TJP1: variants seen among roughly 807,000 people sequenced by gnomAD.
The protein encoded by TJP1 is tight junction protein ZO-1.
In TJP1, 43 loss-of-function variants were observed where a neutral mutation model predicts 194.2. The observed-to-expected ratio is 0.22, with a 90% CI of 0.17 to 0.29. The LOEUF is 0.29. TJP1 is among the 10% of genes least tolerant of loss of function. The probability of loss-of-function intolerance (pLI) is 1.00; values close to 1 mark genes in which losing one functional copy is unlikely to be tolerated. For synonymous variants in TJP1, 801 were observed against 779.0 expected (o/e 1.03, Z -0.47); for missense variants, 1,971 against 2,185.7 (o/e 0.90, Z 1.96).
intron 2 of TJP1, among the ~76,000 whole-genome samples, chr15:29,949,540 C>T (rs1269994538): frequency 1.0e-4 from 15 of 145,166 alleles, no homozygotes; most frequent in Non-Finnish European, 1.5e-4. Flanking sequence ...CCTCCACCAC[C>T]ACCACCTCCA....
intron 2 of TJP1, among the ~76,000 whole-genome samples, chr15:29,909,338 C>CCAA (rs1436497677): frequency 2.1e-5 from 2 of 93,670 alleles, no homozygotes; most frequent in Middle Eastern, 5.6e-3. Context: ...ACTTCATCTC[C>CCAA]AAAAAAAAAA....
intron 2 of TJP1, among the ~76,000 whole-genome samples, chr15:29,939,278 A>T (rs1178335033): frequency 6.6e-6 from 1 of 152,120 alleles, no homozygotes; most frequent in African/African-American, 2.4e-5. Context: ...TTTAGTCATT[A>T]TTCCTAAATA....
chr15:29,811,439 G>T (rs1228770655), intron 1 of TJP1, among the ~76,000 whole-genome samples: 4 of 146,854 alleles, frequency 2.7e-5, no homozygotes, highest in African/African-American at 7.6e-5. Context: ...GGGGGTGGGG[G>T]GGTGGTGGGA....
chr15:29,842,493 C>G (rs535711292), intron 2 of TJP1, among the ~76,000 whole-genome samples: 1 of 152,060 alleles, frequency 6.6e-6, no homozygotes, highest in African/African-American at 2.4e-5. Flanking sequence ...ACACTGGGAC[C>G]AAGCAGACAC....
intron 8 of TJP1, among the ~76,000 whole-genome samples, chr15:29,746,985 G>A (rs551254675): frequency 1.3e-5 from 2 of 151,576 alleles, no homozygotes; most frequent in South Asian, 2.1e-4. Context: ...AAGATTGGCC[G>A]GTTAAATATG....
At position 29,718,406 on chromosome 15, in the gene TJP1, G is replaced by A. The variant is rs372074311; in HGVS notation, c.3736C>T (p.Pro1246Ser). 27 of 1,614,018 alleles carry A rather than the reference G, an allele frequency of 1.7e-5. No homozygotes were observed. The highest frequency in any genetic ancestry group is 2.3e-5 in the Non-Finnish European group (27 of 1,180,028). The change falls in exon 21 of 28, where the codon CCA becomes TCA. Residue 1246 changes from proline (P) to serine (S), a missense_variant. Physicochemically the swap from Pro to Ser is moderately conservative, Grantham distance 74 (BLOSUM62 -1). Transcript: ENST00000614355. ...ALPSNTKPLP[P>S]PPTQTEEEED... ...TCTTCTTCGGTTTGAGTTGGGGGTGGAGGCAGTGGTTTGGTGTTTGAAGGC... is the reference window on the plus strand; with the variant it reads ...TCTTCTTCGGTTTGAGTTGGGGGTGAAGGCAGTGGTTTGGTGTTTGAAGGC...
chr15:29,935,902 G>A (rs920132604), intron 2 of TJP1, among the ~76,000 whole-genome samples: 2 of 152,112 alleles, frequency 1.3e-5, no homozygotes, highest in African/African-American at 4.8e-5. Context: ...TTGCTGGAGA[G>A]AGTGACACCA....
chr15:29,811,884 A>ATGAATGAATGAG (rs1489980270), intron 1 of TJP1, among the ~76,000 whole-genome samples: 12 of 152,148 alleles, frequency 7.9e-5, no homozygotes, highest in African/African-American at 2.9e-4. Context: ...GAATGAATGA[A>ATGAATGAATGAG]TGAATGTCTT....
chr15:29,724,834 A>G (rs1462328463), intron 18 of TJP1, among the ~76,000 whole-genome samples: 1 of 152,204 alleles, frequency 6.6e-6, no homozygotes, highest in African/African-American at 2.4e-5. Flanking sequence ...TTCCTCACAT[A>G]AAAAGCTAGA....
intron 15 of TJP1, chr15:29,730,601 A>G (rs1256025251): frequency 1.5e-5 from 8 of 531,194 alleles, no homozygotes; most frequent in Non-Finnish European, 2.8e-5. Context: ...TCTCTGAAAA[A>G]AAAAAAAGAG....
intron 1 of TJP1, among the ~76,000 whole-genome samples, chr15:29,962,507 T>A (rs1223800167): frequency 6.6e-6 from 1 of 152,198 alleles, no homozygotes; most frequent in Non-Finnish European, 1.5e-5. Context: ...TACAAGATAT[T>A]TGTTTTAAGA....
rs1424465759 is a variant in TJP1, at chr15:29,949,847, A to ACCACCT, written c.306+6379_306+6384dup. Reference sequence around the variant, plus strand: ...CTCCACCACCACCACCTCCACAACCACCACCTCCACAACCACCACCTCCAC... The same window carrying ACCACCT: ...CTCCACCACCACCACCTCCACAACCACCACCTCCACCTCCACAACCACCACCTCCAC... On this transcript the variant is annotated intron_variant, in intron 2 of 28. Coordinates refer to the TJP1 transcript ENST00000356107. Among the ~76,000 whole-genome samples, 18 of 43,314 alleles carry ACCACCT rather than the reference A, an allele frequency of 4.2e-4. 1 individual carries two copies. The highest frequency in any genetic ancestry group is 6.1e-4 in the African/African-American group (5 of 8,210). 28.4% of individuals were successfully genotyped at this position (43,314 alleles called of 152,430 possible).
chr15:29,888,280 CAT>C (rs1378038571), intron 2 of TJP1, among the ~76,000 whole-genome samples: 1 of 151,790 alleles, frequency 6.6e-6, no homozygotes, highest in African/African-American at 2.4e-5. Context: ...TATATATGTG[CAT>C]ATGTCATATG....
chr15:29,878,590 C>A (rs751505660), intron 2 of TJP1, among the ~76,000 whole-genome samples: 3 of 151,026 alleles, frequency 2.0e-5, no homozygotes, highest in Non-Finnish European at 4.4e-5. Context: ...TAGAAATCTG[C>A]AAAATTAAAA....
intron 8 of TJP1, among the ~76,000 whole-genome samples, chr15:29,757,538 T>C (rs1395161913): frequency 1.3e-5 from 2 of 152,208 alleles, no homozygotes; most frequent in Non-Finnish European, 2.9e-5. Context: ...GGGAATGCTC[T>C]AAATTAAAAC....
intron 2 of TJP1, among the ~76,000 whole-genome samples, chr15:29,916,806 T>G (rs1273636154): frequency 6.6e-6 from 1 of 152,236 alleles, no homozygotes; most frequent in Non-Finnish European, 1.5e-5. Flanking sequence ...AAGTTAATTT[T>G]AGTATGTCAT....
Position 29,761,237 on chromosome 15 carries a change from G to T in TJP1, c.912C>A (p.His304Gln), listed in dbSNP as rs766419502. ...SLASDHSGRSHDRPPRRSRSR... is the reference protein window; with the variant it reads ...SLASDHSGRSQDRPPRRSRSR... ...ACCGGCTGCGGCGGGGAGGCCTATC[G>T]TGTGATCGACCAGAATGATCTGATG... The change falls in exon 8 of 28, where the codon CAC (histidine) becomes CAA (glutamine). Residue 304 changes from histidine to glutamine, a missense_variant. Physicochemically the swap from His to Gln is conservative, Grantham distance 24. Coordinates refer to ENST00000614355, the MANE Select transcript of TJP1 (RefSeq NM_001330239.4). 6.2e-7 allele frequency: 1 copy of T among 1,614,066 alleles called. No homozygotes were observed.
At position 29,816,491 on chromosome 15, in the gene TJP1, C is replaced by T. The variant is rs376558633; in HGVS notation, c.27+5511G>A. 1.8e-4 allele frequency among the ~76,000 whole-genome samples: 27 copies of T among 152,288 alleles called. No individual in the cohort carries two copies. The East Asian group carries it at 4.6e-3, about 26-fold the overall frequency. On this transcript the variant is annotated intron_variant, in intron 1 of 27. Transcript: ENST00000614355. ...CCAACTATATAAATTAAAGCTTTAA[C>T]CATGATGGTCTAAAATGCCAAACAC...
intron 1 of TJP1, among the ~76,000 whole-genome samples, chr15:29,959,638 C>G (rs933594824): frequency 1.3e-5 from 2 of 152,136 alleles, no homozygotes; most frequent in African/African-American, 2.4e-5. Context: ...CCCAGTGCTC[C>G]GGACAACTGT....
Sources: gnomAD v4.1 joint callset for allele counts (sites outside exome capture counted in the v4.1 genomes callset) on GRCh38, gnomAD v4.1.1 for gene constraint, MANE v1.5 for transcripts, NCBI Gene and HGNC (gene_info 2026-07-23, HGNC 2026-07-21) for gene names.